The following SYNPR variants were observed in gnomAD, a reference collection of about 807,000 sequenced individuals.
SYNPR encodes the protein synaptoporin.
A neutral mutation model predicts 32.9 loss-of-function variants in SYNPR; 23 were observed. That is an observed-to-expected ratio of 0.70 (90% CI 0.50 to 0.99). The LOEUF (loss-of-function observed/expected upper bound fraction) is 0.99, where lower values mean the gene tolerates loss of function less well. Among genes scored for constraint, SYNPR ranks in the 50% least tolerant of loss-of-function variants. The probability of loss-of-function intolerance (pLI) is 0.00; values close to 1 mark genes in which losing one functional copy is unlikely to be tolerated. For synonymous variants in SYNPR, 146 were observed against 135.9 expected (o/e 1.07, Z -0.52); for missense variants, 318 against 349.3 (o/e 0.91, Z 0.71).
intron 2 of SYNPR, among the ~76,000 whole-genome samples, chr3:63,363,702 T>C (rs2087692133): frequency 6.6e-6 from 1 of 152,224 alleles, no homozygotes; most frequent in Non-Finnish European, 1.5e-5. Context: ...TCTTTACTCA[T>C]GTGGTAATTT....
chr3:63,615,477 T>A lies in SYNPR; in HGVS notation c.854T>A (p.Ile285Asn). The change falls in exon 6 of 6, where the codon ATT (isoleucine) becomes AAT (asparagine). Residue 285 changes from isoleucine to asparagine, a missense_variant. Coordinates refer to ENST00000478300, the MANE Select transcript of SYNPR (RefSeq NM_001130003.2). ...GGCCCCACTTCCTTTACCAATCAGA[T>A]TTAACAGAGTAGCATTTGCATTCTT... is the stretch of plus-strand genomic sequence containing the variant. ...PTGPTSFTNQ[I>N] The A allele has an allele frequency of 6.2e-7, 1 of 1,612,708 alleles. No homozygotes were observed. Among genetic ancestry groups the A allele is most frequent in the Admixed American group, 1.7e-5 (1 of 59,916 alleles).
intron 2 of SYNPR, among the ~76,000 whole-genome samples, chr3:63,317,934 T>C (rs2087060511): frequency 6.6e-6 from 1 of 152,078 alleles, no homozygotes; most frequent in Non-Finnish European, 1.5e-5. Context: ...TAGCAGTTCT[T>C]GTAGTGGTGG....
At chr3:63,598,822 G>A (rs1031779938) in intron 4 of SYNPR, among the ~76,000 whole-genome samples, 1 of 152,186 alleles carries the variant, frequency 6.6e-6, no homozygotes, top group South Asian at 2.1e-4. Flanking sequence ...AAGGCCTAAT[G>A]TATGTATGAT....
chr3:63,270,954 C>CTTCCTTCCTTCCTTCCTTCCTTCTTTCT (rs2086531253), intron 3 of SYNPR, among the ~76,000 whole-genome samples: 1 of 16,392 alleles, frequency 6.1e-5, no homozygotes, highest in African/African-American at 1.8e-4. Flanking sequence ...TCTTTTCTTC[C>CTTCCTTCCTTCCTTCCTTCCTTCTTTCT]TTCCTTCCTT....
chr3:63,494,468 C>T (rs983135270), intron 3 of SYNPR, among the ~76,000 whole-genome samples: 3,835 of 81,502 alleles, frequency 0.047, 172 homozygotes, highest in Middle Eastern at 0.077. Context: ...TACATATATA[C>T]ACATATATAC....
At chr3:63,299,351 T>TAGA (rs1377502211) in intron 2 of SYNPR, among the ~76,000 whole-genome samples, 12 of 152,198 alleles carry the variant, frequency 7.9e-5, no homozygotes, top group African/African-American at 2.9e-4. Context: ...GCCCAATCTC[T>TAGA]CTGACTCTTA....
chr3:63,379,268 C>A (rs959015029), intron 2 of SYNPR, among the ~76,000 whole-genome samples: 1 of 152,078 alleles, frequency 6.6e-6, no homozygotes, highest in Non-Finnish European at 1.5e-5. Context: ...GTATATCCTG[C>A]TGTTGAAAAG....
intron 3 of SYNPR, 41 bp from the exon 4 acceptor site, chr3:63,556,502 C>T (rs375738272): frequency 3.9e-6 from 6 of 1,544,660 alleles, no homozygotes; most frequent in Admixed American, 2.0e-5. Flanking sequence ...TTTTTGTCTC[C>T]ATTGCATTTA....
chr3:63,353,431 G>A (rs906417873), intron 2 of SYNPR, among the ~76,000 whole-genome samples: 9 of 152,196 alleles, frequency 5.9e-5, no homozygotes, highest in African/African-American at 1.9e-4. Context: ...TGGAAACTCT[G>A]ACTTTGGCTT....
At chr3:63,208,654 G>A in the SYNPR span, among the ~76,000 whole-genome samples, 2 of 152,302 alleles carry the variant, frequency 1.3e-5, no homozygotes, top group Non-Finnish European at 1.5e-5. Context: ...TGTGCTGAAA[G>A]AGAATTCTGT....
At chr3:63,369,698 C>T (rs902935522) in intron 2 of SYNPR, among the ~76,000 whole-genome samples, 9 of 152,140 alleles carry the variant, frequency 5.9e-5, no homozygotes, top group South Asian at 4.1e-4. Context: ...GGTGTGAAGG[C>T]GAAGCAGAGA....
At chr3:63,573,406 A>G (rs1702924363) in intron 4 of SYNPR, among the ~76,000 whole-genome samples, 1 of 152,168 alleles carries the variant, frequency 6.6e-6, no homozygotes, top group Non-Finnish European at 1.5e-5. Context: ...CTATTAAGGA[A>G]AGATGTCAAG....
chr3:63,241,662 A>ACATACAATCCTC (rs2086244838), intron 1 of SYNPR, among the ~76,000 whole-genome samples: 1 of 152,100 alleles, frequency 6.6e-6, no homozygotes, highest in Non-Finnish European at 1.5e-5. Context: ...ATCATCTCAT[A>ACATACAATCCTC]AGTGTAAGAG....
At chr3:63,396,413 G>A (rs1312810621) in intron 2 of SYNPR, among the ~76,000 whole-genome samples, 1 of 152,164 alleles carries the variant, frequency 6.6e-6, no homozygotes, top group African/African-American at 2.4e-5. Context: ...TCTAGGGGGA[G>A]GAAGGAGGGG....
At chr3:63,253,177 A>T (rs2086348824) in intron 2 of SYNPR, among the ~76,000 whole-genome samples, 1 of 152,146 alleles carries the variant, frequency 6.6e-6, no homozygotes, top group Admixed American at 6.6e-5. Context: ...ATGCCAAATA[A>T]TCACCATTTG....
chr3:63,535,851 A>G (rs1372404738), intron 3 of SYNPR, among the ~76,000 whole-genome samples: 1 of 152,136 alleles, frequency 6.6e-6, no homozygotes, highest in Non-Finnish European at 1.5e-5. Flanking sequence ...ATATAGGAGT[A>G]AATTTTTATG....
At chr3:63,382,404 C>T (rs1456087689) in intron 2 of SYNPR, among the ~76,000 whole-genome samples, 1 of 152,226 alleles carries the variant, frequency 6.6e-6, no homozygotes, top group African/African-American at 2.4e-5. Flanking sequence ...GGGTTTCCCA[C>T]TTGACCTTTG....
intron 2 of SYNPR, among the ~76,000 whole-genome samples, chr3:63,355,947 A>C (rs559667890): frequency 3.7e-4 from 56 of 152,266 alleles, no homozygotes; most frequent in Middle Eastern, 3.4e-3. Flanking sequence ...TCTGCTTCAG[A>C]GTCTTTAGTG....
In SYNPR at chr3:63,433,243, A is replaced by T. The variant is rs537800577; in HGVS notation, c.85-47589A>T. Among the ~76,000 whole-genome samples the T allele has an allele frequency of 1.7e-4, 26 of 152,296 alleles. 1 individual carries two copies. In the South Asian group the frequency reaches 5.4e-3, roughly 32 times the overall value. ...ACACTTTCAGCAAAATGAGAGGAAA[A>T]GTGTTGCTCCTAGAGTTGAGATAAG... On this transcript the variant is annotated intron_variant, in intron 2 of 5. Coordinates refer to ENST00000478300, the MANE Select transcript of SYNPR (RefSeq NM_001130003.2).
Sources: allele counts gnomAD v4.1 joint callset (sites outside exome capture counted in the v4.1 genomes callset), GRCh38; gene constraint gnomAD v4.1.1; transcripts MANE v1.5; gene names NCBI Gene and HGNC (gene_info 2026-07-23, HGNC 2026-07-21).